SLC35B4: variants seen among roughly 807,000 people sequenced by gnomAD.
SLC35B4 encodes nucleotide sugar transporter SLC35B4.
In SLC35B4, 28 loss-of-function variants were observed where a neutral mutation model predicts 39.5. The ratio of observed to expected loss-of-function variants is 0.71; its 90% CI spans 0.53 to 0.97. The LOEUF is 0.97. SLC35B4 is among the 50% of genes least tolerant of loss of function. The probability of loss-of-function intolerance (pLI) is 0.00; values close to 1 mark genes in which losing one functional copy is unlikely to be tolerated. For missense variants in SLC35B4, 334 were observed against 414.3 expected (o/e 0.81, Z 1.68); for synonymous variants, 145 against 150.4 (o/e 0.96, Z 0.26).
At chr7:134,311,738 G>A (rs1305203082) in intron 1 of SLC35B4, among the ~76,000 whole-genome samples, 1 of 152,166 alleles carries the variant, frequency 6.6e-6, no homozygotes, top group East Asian at 1.9e-4. Context: ...TCTGGGGTAG[G>A]ACCCTGGAAT....
In SLC35B4 at chr7:134,294,177, A is replaced by T. The variant is rs1166945938; in HGVS notation, c.*656T>A. 3.9e-5 allele frequency: 6 copies of T among 152,464 alleles called. No individual in the cohort carries two copies. The highest frequency in any genetic ancestry group is 1.5e-4 in the African/African-American group (6 of 41,356). The allele number at this position is 152,464 out of a possible 1,614,324, so 9.4% of individuals were successfully genotyped here. On this transcript the variant is annotated 3_prime_UTR_variant, in exon 10 of 10. Transcript: ENST00000378509. ...ATCACAGAAAGCAATGGATAGAAGCATCTGACTTTTGCATAGAAAAAAAAA... is the reference window on the plus strand; with the variant it reads ...ATCACAGAAAGCAATGGATAGAAGCTTCTGACTTTTGCATAGAAAAAAAAA...
At position 134,292,854 on chromosome 7, in the gene SLC35B4, T is replaced by C. The variant is rs1803362990; in HGVS notation, c.*1979A>G. 6.6e-6 allele frequency: 1 copy of C among 152,228 alleles called. No homozygotes were observed. Among genetic ancestry groups the C allele is most frequent in the Non-Finnish European group, 1.5e-5 (1 of 68,034 alleles). 9.4% of individuals were successfully genotyped at this position (152,228 alleles called of 1,614,324 possible). A position where few individuals can be genotyped will look rare whatever the true frequency, so the allele number is the denominator to read the frequency against. ...CTTCAGAAGAGCCCATTACTGGCTC[T>C]AGAAAGCTGTCAATGTCCAGAGCAA... On this transcript the variant is annotated 3_prime_UTR_variant, in exon 10 of 10. Coordinates refer to ENST00000378509, the MANE Select transcript of SLC35B4 (RefSeq NM_032826.5).
At chr7:134,308,591 G>A (rs991687612) in intron 2 of SLC35B4, among the ~76,000 whole-genome samples, 3 of 152,180 alleles carry the variant, frequency 2.0e-5, no homozygotes, top group Non-Finnish European at 4.4e-5. Flanking sequence ...TGCTGCAAAA[G>A]AAAACCAACA....
rs1287027210 is a variant in SLC35B4 at position 134,294,743 on chromosome 7, A to G, written c.*90T>C. ...GCACGGCTGGCTCAGCACTGCGGGT[A>G]GCTCGGCATTAACAAAAGCGAAACG... On this transcript the variant is annotated 3_prime_UTR_variant, in exon 10 of 10. Coordinates refer to ENST00000378509, the MANE Select transcript of SLC35B4 (RefSeq NM_032826.5). 8 of 1,523,308 alleles carry G rather than the reference A, an allele frequency of 5.3e-6. No homozygotes were observed. The East Asian group carries it at 1.6e-4, about 30-fold the overall frequency. 94.4% of individuals were successfully genotyped at this position (1,523,308 alleles called of 1,614,324 possible).
At chr7:134,319,896 T>G (rs1235547139), upstream of SLC35B4, among the ~76,000 whole-genome samples, 3 of 152,168 alleles carry the variant, frequency 2.0e-5, no homozygotes, top group Non-Finnish European at 4.4e-5. Flanking sequence ...CCAGCCTTTC[T>G]TGTCCATTCC....
intron 1 of SLC35B4, among the ~76,000 whole-genome samples, chr7:134,315,874 G>A (rs1317971459): frequency 6.6e-6 from 1 of 152,068 alleles, no homozygotes; most frequent in Non-Finnish European, 1.5e-5. Flanking sequence ...TTTTAGTCCT[G>A]GAGGCTTTTC....
chr7:134,306,714 C>T lies in SLC35B4; in HGVS notation c.252G>A (p.Leu84=). The part of the protein sequence containing the change: ...FTVSVVNNYA[L]NLNIAMPLHM... ...GCAGGGGCATGGCAATGTTGAGATT[C>T]AGGGCATAGTTGTTCACCACGCTCA... is the stretch of plus-strand genomic sequence containing the variant. The change falls in exon 3 of 10, where the codon CTG becomes CTA. Residue 84 remains leucine, a synonymous_variant. Transcript: ENST00000378509. 9 of 1,614,044 alleles carry T rather than the reference C, an allele frequency of 5.6e-6. No homozygotes were observed. Among genetic ancestry groups the T allele is most frequent in the Non-Finnish European group, 7.6e-6 (9 of 1,180,002 alleles).
chr7:134,309,605 T>C lies in SLC35B4; in HGVS notation c.78-126A>G, dbSNP rs141560602. Reference sequence around the variant, plus strand: ...GATTTCAATTACCCACTGTCCTTTATCTCAATGTTCATAGCCTTTGGATCA... The same window carrying C: ...GATTTCAATTACCCACTGTCCTTTACCTCAATGTTCATAGCCTTTGGATCA... On this transcript the variant is annotated intron_variant, in intron 1 of 9. Transcript: ENST00000378509. The C allele has an allele frequency of 5.0e-4, 335 of 671,246 alleles. 1 individual carries two copies. In the African/African-American group the frequency reaches 5.7e-3, roughly 11 times the overall value. The allele number at this position is 671,246 out of a possible 1,614,324, so 41.6% of individuals were successfully genotyped here.
rs1563221014 is a variant in SLC35B4 at position 134,316,713 on chromosome 7, G to A, written c.39C>T (p.Gly13=). 1 of 1,550,564 alleles carries A rather than the reference G, an allele frequency of 6.4e-7. No individual in the cohort carries two copies. The highest frequency in any genetic ancestry group is 8.7e-7 in the Non-Finnish European group (1 of 1,146,770). ...CTAGGAAGATCACGTTACTGCAGCA[G>A]CCTGCGAACACCAGGCCCACCGCCA... is the stretch of plus-strand genomic sequence containing the variant. ...PALAVGLVFA[G]CCSNVIFLEL... Residue 13 remains glycine (G), a synonymous_variant, in exon 1 of 10, where the codon GGC becomes GGT. Coordinates refer to ENST00000378509, the MANE Select transcript of SLC35B4 (RefSeq NM_032826.5).
chr7:134,316,798 C>T lies in SLC35B4; in HGVS notation c.-47G>A. Reference sequence around the variant, plus strand: ...GCAAGCGCACAGAGTAAGCGCCCGCCTGTACCGCTACCCCAGGAAGCCGGC... The same window carrying T: ...GCAAGCGCACAGAGTAAGCGCCCGCTTGTACCGCTACCCCAGGAAGCCGGC... On this transcript the variant is annotated 5_prime_UTR_variant, in exon 1 of 10. Coordinates refer to ENST00000378509, the MANE Select transcript of SLC35B4 (RefSeq NM_032826.5). 3 of 1,530,138 alleles carry T rather than the reference C, an allele frequency of 2.0e-6. No homozygotes were observed. The highest frequency in any genetic ancestry group is 2.6e-6 in the Non-Finnish European group (3 of 1,134,266). The allele number at this position is 1,530,138 out of a possible 1,614,324, so 94.8% of individuals were successfully genotyped here.
upstream of SLC35B4, among the ~76,000 whole-genome samples, chr7:134,318,509 G>A (rs952492962): frequency 7.3e-5 from 11 of 151,582 alleles, no homozygotes; most frequent in African/African-American, 2.7e-4. Flanking sequence ...TATATATACA[G>A]GTATATAATA....
At chr7:134,307,288 GTC>G (rs1323855434) in intron 2 of SLC35B4, among the ~76,000 whole-genome samples, 1 of 151,482 alleles carries the variant, frequency 6.6e-6, no homozygotes, top group Non-Finnish European at 1.5e-5. Flanking sequence ...TAAAATCAGG[GTC>G]TCTGTTTTTT....
rs910020434 is a variant in SLC35B4 at position 134,292,962 on chromosome 7, A to G, written c.*1871T>C. On this transcript the variant is annotated 3_prime_UTR_variant, in exon 10 of 10. Coordinates refer to ENST00000378509, the MANE Select transcript of SLC35B4 (RefSeq NM_032826.5). ...AGTAACAAAAACCCGAGGCAGCTTA[A>G]ATGACTTCTCCAAGCGACCTGGTGA... 3 of 152,198 alleles carry G rather than the reference A, an allele frequency of 2.0e-5. No individual in the cohort carries two copies. Among genetic ancestry groups the G allele is most frequent in the Admixed American group, 1.3e-4 (2 of 15,280 alleles). 9.4% of individuals were successfully genotyped at this position (152,198 alleles called of 1,614,324 possible).
At position 134,304,837 on chromosome 7, in the gene SLC35B4, G is replaced by T; in HGVS notation, c.312C>A (p.Asn104Lys). The T allele has an allele frequency of 6.2e-7, 1 of 1,612,522 alleles. No individual in the cohort carries two copies. Among genetic ancestry groups the T allele is most frequent in the Non-Finnish European group, 8.5e-7 (1 of 1,178,614 alleles). ...TCAAAATGATAATTCCTAGAATCAT[G>T]TTGGCAATTAGAGAACCCTGCAAAA... ...MIFRSGSLIA[N>K]MILGIIILKK... Residue 104 changes from asparagine (N) to lysine (K), a missense_variant, in exon 4 of 10, where the codon AAC becomes AAA. Transcript: ENST00000378509.
chr7:134,299,419 G>A (rs1803530892), intron 8 of SLC35B4, 104 bp downstream of exon 8: 10 of 847,222 alleles, frequency 1.2e-5, no homozygotes, highest in Non-Finnish European at 1.1e-5. Context: ...AGGAACACAT[G>A]ATTTGAATAG....
chr7:134,309,305 G>T, intron 2 of SLC35B4, 61 bp downstream of exon 2: 22 of 906,460 alleles, frequency 2.4e-5, no homozygotes, highest in Non-Finnish European at 3.6e-5. Flanking sequence ...TTTTATACAG[G>T]TACCACCTCT....
intron 1 of SLC35B4, among the ~76,000 whole-genome samples, chr7:134,314,514 C>T (rs1329683619): frequency 6.6e-6 from 1 of 152,108 alleles, no homozygotes; most frequent in Non-Finnish European, 1.5e-5. Flanking sequence ...ATGGCTGGCC[C>T]GATGGTATCA....
Position 134,294,817 on chromosome 7 carries a change from G to A in SLC35B4, c.*16C>T, listed in dbSNP as rs1475482463. On this transcript the variant is annotated 3_prime_UTR_variant, in exon 10 of 10. Coordinates refer to ENST00000378509, the MANE Select transcript of SLC35B4 (RefSeq NM_032826.5). ...CACCCTCACGACGACACTGGTCTAC[G>A]TACTCCAGACAGGCCTCAGTTCTTC... 6.8e-6 allele frequency: 11 copies of A among 1,612,048 alleles called. No homozygotes were observed. Among genetic ancestry groups the A allele is most frequent in the African/African-American group, 5.3e-5 (4 of 74,874 alleles).
In SLC35B4 at chr7:134,306,752, T is replaced by C; in HGVS notation, c.214A>G (p.Met72Val). ...PIRYYAIMVT[M>V]FFTVSVVNNY... ...TTCACCACGCTCACGGTGAAGAACA[T>C]GGTCACCATTATGGCATAGTACCTG... The change falls in exon 3 of 10, where the codon ATG (methionine) becomes GTG (valine). Residue 72 changes from methionine to valine, a missense_variant. Transcript: ENST00000378509. 1 of 1,613,916 alleles carries C rather than the reference T, an allele frequency of 6.2e-7. No individual in the cohort carries two copies. Among genetic ancestry groups the C allele is most frequent in the Non-Finnish European group, 8.5e-7 (1 of 1,179,928 alleles).
Sources: allele counts gnomAD v4.1 joint callset (sites outside exome capture counted in the v4.1 genomes callset), GRCh38; gene constraint gnomAD v4.1.1; transcripts MANE v1.5; gene names NCBI Gene and HGNC (gene_info 2026-07-23, HGNC 2026-07-21).